DPP6: variants seen among roughly 807,000 people sequenced by gnomAD.
The protein encoded by DPP6 is dipeptidyl peptidase like 6.
In DPP6, 69 loss-of-function variants were observed where a neutral mutation model predicts 122.6. That is an observed-to-expected ratio of 0.56 (90% CI 0.46 to 0.69). The LOEUF is 0.69. Among genes scored for constraint, DPP6 ranks in the 30% least tolerant of loss-of-function variants. The probability of loss-of-function intolerance (pLI) is 0.00; values close to 1 mark genes in which losing one functional copy is unlikely to be tolerated. For synonymous variants in DPP6, 418 were observed against 433.1 expected, an observed-to-expected ratio of 0.97 and a Z score of 0.43; for missense variants, 928 against 1,116.9, an observed-to-expected ratio of 0.83 and a Z score of 2.41.
chr7:154,247,187 C>T (rs565008625), intron 1 of DPP6, among the ~76,000 whole-genome samples: 17 of 152,166 alleles, frequency 1.1e-4, no homozygotes, highest in Non-Finnish European at 1.9e-4. Flanking sequence ...GTGGTGTGTG[C>T]CTGTAGTTTC....
chr7:154,485,354 C>T (rs1029435653), intron 3 of DPP6, among the ~76,000 whole-genome samples: 1 of 152,106 alleles, frequency 6.6e-6, no homozygotes, highest in Non-Finnish European at 1.5e-5. Context: ...TGTAAACCAC[C>T]AGTTTATTTT....
At chr7:153,918,550 C>CACA (rs1182532611) in intron 1 of DPP6, among the ~76,000 whole-genome samples, 5 of 138,132 alleles carry the variant, frequency 3.6e-5, no homozygotes, top group African/African-American at 1.4e-4. Flanking sequence ...CACACACACA[C>CACA]ACACACACAC....
At chr7:154,570,220 A>G (rs182271025) in intron 5 of DPP6, among the ~76,000 whole-genome samples, 53 of 152,078 alleles carry the variant, frequency 3.5e-4, no homozygotes, top group Non-Finnish European at 6.3e-4. Flanking sequence ...GTTTAGACAC[A>G]AATAGTACAG....
At chr7:154,302,493 T>A (rs1805976165) in intron 1 of DPP6, among the ~76,000 whole-genome samples, 1 of 152,204 alleles carries the variant, frequency 6.6e-6, no homozygotes, top group Admixed American at 6.5e-5. Flanking sequence ...CAGTAATTCC[T>A]AAACTTCCCC....
chr7:154,473,105 G>A (rs1284786598), intron 2 of DPP6, among the ~76,000 whole-genome samples: 6 of 152,154 alleles, frequency 3.9e-5, no homozygotes, highest in African/African-American at 1.4e-4. Context: ...CAGATAAAAT[G>A]TAAATTTCAA....
Position 154,722,660 on chromosome 7 carries a change from G to A in DPP6, c.763-5107G>A, listed in dbSNP as rs146623759. ...AGGGAGTTGAGTGAGGGTGGCCCAC[G>A]GTTGTGAGTGGCTCCAGGTGGGTGG... is the stretch of plus-strand genomic sequence containing the variant. On this transcript the variant is annotated intron_variant, in intron 7 of 25. Coordinates refer to ENST00000377770, the MANE Select transcript of DPP6 (RefSeq NM_130797.4). Among the ~76,000 whole-genome samples, 1,034 of 152,242 alleles carry A rather than the reference G, an allele frequency of 6.8e-3. 12 individuals are homozygous for A. The highest frequency in any genetic ancestry group is 0.023 in the African/African-American group (973 of 41,536).
At chr7:154,232,669 A>G (rs914957539) in intron 1 of DPP6, among the ~76,000 whole-genome samples, 1 of 152,188 alleles carries the variant, frequency 6.6e-6, no homozygotes, top group Non-Finnish European at 1.5e-5. Flanking sequence ...AGCATGTTCT[A>G]TTTTGACAAA....
intron 4 of DPP6, among the ~76,000 whole-genome samples, chr7:154,565,260 A>G (rs1174192953): frequency 6.6e-6 from 1 of 152,246 alleles, no homozygotes; most frequent in Non-Finnish European, 1.5e-5. Flanking sequence ...CCTAGAAGCA[A>G]TGGTTCAGTA....
chr7:154,739,122 G>C (rs534054052), intron 8 of DPP6, among the ~76,000 whole-genome samples: 1 of 152,240 alleles, frequency 6.6e-6, no homozygotes, highest in Admixed American at 6.5e-5. Context: ...CTTGGCCTGG[G>C]AATGACCCTG....
In DPP6 at chr7:154,245,878, A is replaced by G. The variant is rs566087339; in HGVS notation, c.243+192815A>G. Among the ~76,000 whole-genome samples the G allele has an allele frequency of 3.9e-5, 6 of 152,280 alleles. No homozygotes were observed. The South Asian group carries it at 1.0e-3, about 26-fold the overall frequency. ...AACATTCTCACTCAGTAACTGTTAG[A>G]ACAATTAGGCATAATTTCAGTAAGT... On this transcript the variant is annotated intron_variant, in intron 1 of 25. Transcript: ENST00000377770.
chr7:154,157,295 GAGGAAACTCGAA>G (rs1419680741), intron 1 of DPP6, among the ~76,000 whole-genome samples: 1 of 152,212 alleles, frequency 6.6e-6, no homozygotes, highest in Non-Finnish European at 1.5e-5. Flanking sequence ...CAACTTTGCT[GAGGAAACTCGAA>G]AGTATGGAAA....
intron 3 of DPP6, among the ~76,000 whole-genome samples, chr7:154,479,296 G>A (rs373298254): frequency 6.6e-6 from 1 of 152,064 alleles, no homozygotes; most frequent in Admixed American, 6.5e-5. Context: ...GGTGGCTCAC[G>A]CCTGTAATCC....
intron 1 of DPP6, among the ~76,000 whole-genome samples, chr7:154,230,386 G>T (rs1260392216): frequency 2.0e-5 from 3 of 152,236 alleles, no homozygotes; most frequent in Non-Finnish European, 4.4e-5. Context: ...TTAGAGATGA[G>T]TTTCTCTTGC....
chr7:154,718,725 C>T (rs7791534), intron 7 of DPP6, among the ~76,000 whole-genome samples: 140,099 of 150,108 alleles, frequency 0.93, 65,850 homozygotes, highest in Non-Finnish European at 0.99. Context: ...CTGCAACCTC[C>T]ACCTCCCAGA....
At chr7:153,758,079 C>T in the DPP6 span, among the ~76,000 whole-genome samples, 1 of 152,288 alleles carries the variant, frequency 6.6e-6, no homozygotes, top group African/African-American at 2.4e-5. Flanking sequence ...GAACCTAGGC[C>T]AGTAGATGTC....
the DPP6 span, among the ~76,000 whole-genome samples, chr7:153,870,046 G>T: frequency 6.6e-6 from 1 of 152,252 alleles, no homozygotes; most frequent in Admixed American, 6.5e-5. Flanking sequence ...GCTTCCCTTT[G>T]TGGGTAACCC....
chr7:154,621,029 C>T (rs1834613429), intron 5 of DPP6, among the ~76,000 whole-genome samples: 1 of 152,192 alleles, frequency 6.6e-6, no homozygotes, highest in African/African-American at 2.4e-5. Flanking sequence ...GAAAAGAAAA[C>T]CTATTTTTAG....
rs2130789191 is a variant in DPP6 at position 154,606,889 on chromosome 7, A to G, written c.628-30932A>G. Among the ~76,000 whole-genome samples, 4 of 121,998 alleles carry G rather than the reference A, an allele frequency of 3.3e-5. 2 individuals carry two copies. The Middle Eastern group carries it at 0.017, about 508-fold the overall frequency. 80.0% of individuals were successfully genotyped at this position (121,998 alleles called of 152,430 possible). A position where few individuals can be genotyped will look rare whatever the true frequency, so the allele number is the denominator to read the frequency against. On this transcript the variant is annotated intron_variant, in intron 5 of 25. Coordinates refer to ENST00000377770, the MANE Select transcript of DPP6 (RefSeq NM_130797.4). ...ATACACACACATACTTATAGACTGT[A>G]CATGGCAGCATTCACAGTCCAGAAA... is the stretch of plus-strand genomic sequence containing the variant.
the DPP6 span, among the ~76,000 whole-genome samples, chr7:153,812,115 C>T: frequency 1.3e-5 from 2 of 152,116 alleles, no homozygotes; most frequent in Non-Finnish European, 2.9e-5. Flanking sequence ...CCTCTTTCAT[C>T]TTTTCCTCTA....
Sources: gnomAD v4.1 joint callset for allele counts (sites outside exome capture counted in the v4.1 genomes callset) on GRCh38, gnomAD v4.1.1 for gene constraint, MANE v1.5 for transcripts, NCBI Gene and HGNC (gene_info 2026-07-23, HGNC 2026-07-21) for gene names.